KCNIP4: variants seen among roughly 807,000 people sequenced by gnomAD.
KCNIP4 encodes the protein potassium voltage-gated channel interacting protein 4, also known as Kv channel-interacting protein 4.
KCNIP4 carries 12 observed loss-of-function variants against 34.0 expected under a neutral mutation model. The ratio of observed to expected loss-of-function variants is 0.35; its 90% CI spans 0.23 to 0.57. The LOEUF (loss-of-function observed/expected upper bound fraction) is 0.57. Among genes scored for constraint, KCNIP4 ranks in the 20% least tolerant of loss-of-function variants. KCNIP4 has a pLI of 0.83. For missense variants in KCNIP4, 238 were observed against 311.7 expected (o/e 0.76, Z 1.78); for synonymous variants, 124 against 102.2 (o/e 1.21, Z -1.29).
chr4:21,660,839 C>A (rs1748393464), intron 1 of KCNIP4, among the ~76,000 whole-genome samples: 1 of 152,134 alleles, frequency 6.6e-6, no homozygotes, highest in Admixed American at 6.5e-5. Context: ...TTATATATAT[C>A]TCATTTTGAC....
intron 1 of KCNIP4, among the ~76,000 whole-genome samples, chr4:21,783,139 T>C (rs1041789678): frequency 1.3e-5 from 2 of 150,404 alleles, no homozygotes; most frequent in African/African-American, 4.8e-5. Context: ...TAGAACTACA[T>C]ACATACATTA....
intron 1 of KCNIP4, among the ~76,000 whole-genome samples, chr4:21,766,332 TA>T (rs1475027748): frequency 3.3e-5 from 5 of 152,144 alleles, no homozygotes; most frequent in African/African-American, 1.2e-4. Context: ...TTACCCACTT[TA>T]TGCAAGAATA....
At chr4:21,691,343 G>A (rs558257641) in intron 1 of KCNIP4, among the ~76,000 whole-genome samples, 3 of 152,054 alleles carry the variant, frequency 2.0e-5, no homozygotes, top group African/African-American at 7.2e-5. Context: ...CCACCACTCT[G>A]TCTGGAAGCT....
At chr4:21,016,933 C>T (rs1043268290) in intron 1 of KCNIP4, among the ~76,000 whole-genome samples, 6 of 152,176 alleles carry the variant, frequency 3.9e-5, no homozygotes, top group Non-Finnish European at 7.3e-5. Flanking sequence ...ATGGTGCCTT[C>T]CAGAGGCCTA....
At chr4:21,717,794 T>C (rs886875253) in intron 1 of KCNIP4, among the ~76,000 whole-genome samples, 2 of 152,200 alleles carry the variant, frequency 1.3e-5, no homozygotes, top group African/African-American at 2.4e-5. Context: ...TCCTGCGTAA[T>C]AGTTCCTTCT....
chr4:21,111,666 T>C (rs984174938), intron 1 of KCNIP4, among the ~76,000 whole-genome samples: 1 of 152,172 alleles, frequency 6.6e-6, no homozygotes, highest in African/African-American at 2.4e-5. Context: ...CAGCCCATCA[T>C]GGGATCAGGA....
At chr4:21,099,285 G>T (rs1747731485) in intron 1 of KCNIP4, among the ~76,000 whole-genome samples, 2 of 152,178 alleles carry the variant, frequency 1.3e-5, no homozygotes, top group African/African-American at 4.8e-5. Flanking sequence ...ATACTATGCA[G>T]CCATAAAAAT....
intron 1 of KCNIP4, among the ~76,000 whole-genome samples, chr4:21,533,944 A>G: frequency 6.6e-6 from 1 of 152,178 alleles, no homozygotes; most frequent in Non-Finnish European, 1.5e-5. Flanking sequence ...AGAAACTGAA[A>G]AAGCCTAAAG....
rs1308276076 is a variant in KCNIP4, at chr4:21,945,705, C to T, written c.61+2866G>A. ...TTTGTAGTTTTTTTTTTCCTCTGAC[C>T]TTGTTTCTGATTCTCTTTCAAACAT... On this transcript the variant is annotated intron_variant, in intron 1 of 8. Coordinates refer to ENST00000382152, the MANE Select transcript of KCNIP4 (RefSeq NM_025221.6). Among the ~76,000 whole-genome samples the T allele has an allele frequency of 4.0e-5, 6 of 151,704 alleles. No homozygotes were observed. The South Asian group carries it at 1.3e-3, about 32-fold the overall frequency.
intron 1 of KCNIP4, among the ~76,000 whole-genome samples, chr4:21,579,616 G>A (rs1343602638): frequency 1.3e-5 from 2 of 151,836 alleles, no homozygotes; most frequent in Non-Finnish European, 2.9e-5. Flanking sequence ...TTACCCACTG[G>A]GAGCAACTAC....
intron 1 of KCNIP4, among the ~76,000 whole-genome samples, chr4:21,241,133 G>T (rs552480527): frequency 1.2e-4 from 18 of 151,752 alleles, no homozygotes; most frequent in African/African-American, 4.3e-4. Context: ...GGTAGAGTTT[G>T]GTAAAAAGAC....
rs1747542776 is a variant in KCNIP4 at position 20,729,944 on chromosome 4, T to TTATATTA, written c.*131_*137dup. ...AAGCTCAAATCTTTTGGGGATTGCT[T>TTATATTA]TATATTAAAACAAAGCTTGTTTGCA... On this transcript the variant is annotated 3_prime_UTR_variant, in exon 9 of 9. Coordinates refer to ENST00000382152, the MANE Select transcript of KCNIP4 (RefSeq NM_025221.6). 4 of 1,011,348 alleles carry TTATATTA rather than the reference T, an allele frequency of 4.0e-6. No individual in the cohort carries two copies. In the South Asian group the frequency reaches 1.1e-4, roughly 27 times the overall value. The allele number at this position is 1,011,348 out of a possible 1,614,324, so 62.6% of individuals were successfully genotyped here.
intron 5 of KCNIP4, 42 bp from the exon 6 acceptor site, chr4:20,734,777 AAAAAC>A (rs1372051386): frequency 8.7e-7 from 1 of 1,151,138 alleles, no homozygotes; most frequent in African/African-American, 1.8e-5. Context: ...ACATTTTTAA[AAAAAC>A]AAAAACAAAA....
At position 21,584,987 on chromosome 4, in the gene KCNIP4, A is replaced by G. The variant is rs373182211; in HGVS notation, c.61+363584T>C. Among the ~76,000 whole-genome samples the G allele has an allele frequency of 1.7e-3, 257 of 152,264 alleles. 10 individuals are homozygous for G. The South Asian group carries it at 0.047, about 28-fold the overall frequency. ...GGAAAAAACTGAGGTGGAGAAAGCA[A>G]GTGGCCCAAGGCAAAAATAGCAGTT... On this transcript the variant is annotated intron_variant, in intron 1 of 8. Transcript: ENST00000382152.
At chr4:21,200,932 G>A (rs1434452416) in intron 1 of KCNIP4, among the ~76,000 whole-genome samples, 1 of 152,086 alleles carries the variant, frequency 6.6e-6, no homozygotes, top group Non-Finnish European at 1.5e-5. Context: ...GGCAAGAGAT[G>A]CCACTTCCTC....
chr4:21,200,330 ATATATATACATACATATATGTGTG>A, intron 1 of KCNIP4, among the ~76,000 whole-genome samples: 1 of 133,598 alleles, frequency 7.5e-6, no homozygotes, highest in African/African-American at 3.5e-5. Context: ...ATGTGTGTAT[ATATATATACATACATATATGTGTG>A]TATATATATA....
At chr4:21,174,318 G>T (rs548492241) in intron 1 of KCNIP4, among the ~76,000 whole-genome samples, 56 of 152,312 alleles carry the variant, frequency 3.7e-4, no homozygotes, top group African/African-American at 1.3e-3. Context: ...GGGTTTGGTT[G>T]TTAGACTGTC....
intron 6 of KCNIP4, 105 bp downstream of exon 6, chr4:20,734,523 A>G (rs1749115725): frequency 9.0e-6 from 5 of 557,344 alleles, no homozygotes; most frequent in Non-Finnish European, 1.5e-5. Context: ...AATATTTTGG[A>G]ATTTCCTCAA....
At chr4:21,531,274 C>T (rs568907795) in intron 1 of KCNIP4, among the ~76,000 whole-genome samples, 4 of 151,500 alleles carry the variant, frequency 2.6e-5, no homozygotes, top group South Asian at 2.1e-4. Flanking sequence ...GCTGCAGTGC[C>T]TTCCTTCCTT....
Sources: allele counts gnomAD v4.1 joint callset (sites outside exome capture counted in the v4.1 genomes callset), GRCh38; gene constraint gnomAD v4.1.1; transcripts MANE v1.5; gene names NCBI Gene and HGNC (gene_info 2026-07-23, HGNC 2026-07-21).